Variants in ARMH1 observed in about 807,000 individuals in gnomAD.
The protein encoded by ARMH1 is armadillo-like helical domain containing protein 1.
ARMH1 carries 34 observed loss-of-function variants against 50.2 expected under a neutral mutation model. The observed-to-expected ratio is 0.68, with a 90% CI of 0.51 to 0.90. The LOEUF (loss-of-function observed/expected upper bound fraction) is 0.90, where lower values mean the gene tolerates loss of function less well. ARMH1 is among the 40% of genes least tolerant of loss of function. The pLI, the probability that ARMH1 is intolerant of heterozygous loss-of-function variation, is 0.00. For synonymous variants in ARMH1, 221 were observed against 224.2 expected (o/e 0.99, Z 0.13); for missense variants, 538 against 553.9 (o/e 0.97, Z 0.29).
intron 6 of ARMH1, among the ~76,000 whole-genome samples, chr1:44,709,448 G>A (rs112041806): frequency 0.059 from 8,924 of 152,164 alleles, 537 homozygotes; most frequent in African/African-American, 0.15. Flanking sequence ...CAAGGGGGGC[G>A]GATCACGAGG....
chr1:44,703,991 G>T (rs1406067767), intron 5 of ARMH1, 98 bp from the exon 6 acceptor site: 2 of 904,386 alleles, frequency 2.2e-6, no homozygotes, highest in Non-Finnish European at 3.5e-6. Flanking sequence ...CTCCTAAAGT[G>T]CTGGGATTAC....
intron 6 of ARMH1, among the ~76,000 whole-genome samples, chr1:44,705,588 A>G (rs1646307634): frequency 6.6e-6 from 1 of 152,190 alleles, no homozygotes. Context: ...TCCATGAATG[A>G]ATGGTAAAGA....
intron 6 of ARMH1, among the ~76,000 whole-genome samples, chr1:44,712,814 C>T (rs937354458): frequency 1.3e-5 from 2 of 151,414 alleles, no homozygotes; most frequent in African/African-American, 4.9e-5. Context: ...CAGGCATGTG[C>T]CACCACGCCC....
At chr1:44,680,288 C>T (rs182876630) in intron 1 of ARMH1, among the ~76,000 whole-genome samples, 4 of 152,214 alleles carry the variant, frequency 2.6e-5, no homozygotes, top group Non-Finnish European at 4.4e-5. Flanking sequence ...GTGATTCTCC[C>T]GCCTCAGCCT....
At position 44,700,343 on chromosome 1, in the gene ARMH1, C is replaced by T. The variant is rs933921377; in HGVS notation, c.443-580C>T. Among the ~76,000 whole-genome samples the T allele has an allele frequency of 3.3e-5, 5 of 152,226 alleles. No individual in the cohort carries two copies. In the South Asian group the frequency reaches 6.2e-4, roughly 19 times the overall value. On this transcript the variant is annotated intron_variant, in intron 4 of 11. Transcript: ENST00000535358. ...CTATACAAGTGTTATCATGGCCGGG[C>T]GCCGTGGCTCACGCCTCTAATCCCA...
chr1:44,706,277 G>C (rs1180109718), intron 6 of ARMH1, among the ~76,000 whole-genome samples: 1 of 152,200 alleles, frequency 6.6e-6, no homozygotes, highest in East Asian at 1.9e-4. Flanking sequence ...GGCCCAGCTG[G>C]GTACATAGCC....
chr1:44,676,665 G>C, intron 1 of ARMH1, among the ~76,000 whole-genome samples: 1 of 152,222 alleles, frequency 6.6e-6, no homozygotes, highest in Middle Eastern at 3.2e-3. Context: ...CAAGGAAGTT[G>C]TTGGTGACCT....
At chr1:44,676,203 G>C (rs1645136231) in intron 1 of ARMH1, among the ~76,000 whole-genome samples, 1 of 152,156 alleles carries the variant, frequency 6.6e-6, no homozygotes. Flanking sequence ...TCCTGGTTTG[G>C]GCAAACAGGA....
chr1:44,716,891 C>T (rs1466221733), intron 6 of ARMH1, among the ~76,000 whole-genome samples: 1 of 147,758 alleles, frequency 6.8e-6, no homozygotes, highest in Non-Finnish European at 1.5e-5. Context: ...CACTCTGTAA[C>T]CTAGGCTGGA....
Position 44,710,613 on chromosome 1 carries a change from A to G in ARMH1, c.724+6440A>G, listed in dbSNP as rs1263715106. Among the ~76,000 whole-genome samples, 74 of 150,852 alleles carry G rather than the reference A, an allele frequency of 4.9e-4. 1 individual carries two copies. The East Asian group carries it at 6.8e-3, about 14-fold the overall frequency. ...AACAGAGCAAGACTCCGTCTCAAAA[A>G]AAAAAAAAAAAAAAAAGAAAAGAAA... is the stretch of plus-strand genomic sequence containing the variant. On this transcript the variant is annotated intron_variant, in intron 6 of 11. Transcript: ENST00000535358.
intron 3 of ARMH1, 78 bp downstream of exon 3, chr1:44,697,248 C>T (rs578155801): frequency 1.8e-6 from 2 of 1,136,660 alleles, no homozygotes; most frequent in East Asian, 5.1e-5. Context: ...TCACACCACC[C>T]AGGGCCACGG....
chr1:44,676,074 T>C (rs112800167), intron 1 of ARMH1, among the ~76,000 whole-genome samples: 88 of 151,992 alleles, frequency 5.8e-4, no homozygotes, highest in Middle Eastern at 6.8e-3. Context: ...AAGCATGGAG[T>C]GGCAGCTGAA....
chr1:44,719,025 GAAA>G (rs35822364), intron 6 of ARMH1, among the ~76,000 whole-genome samples: 18 of 78,634 alleles, frequency 2.3e-4, no homozygotes, highest in African/African-American at 8.5e-4. Flanking sequence ...AACTGTCTCG[GAAA>G]AAAAAAAAAA....
chr1:44,694,065 ATTC>A (rs897576487), intron 2 of ARMH1, among the ~76,000 whole-genome samples: 3 of 152,168 alleles, frequency 2.0e-5, no homozygotes, highest in Admixed American at 6.5e-5. Context: ...GCATTACATC[ATTC>A]TTCTTCATTT....
In ARMH1 at chr1:44,700,927, ACGAT is replaced by A; in HGVS notation, c.449_452del (p.Arg150ProfsTer2). 6.5e-7 allele frequency: 1 copy of A among 1,548,828 alleles called. No individual in the cohort carries two copies. The highest frequency in any genetic ancestry group is 8.7e-7 in the Non-Finnish European group (1 of 1,145,868). On this transcript the variant is annotated frameshift_variant, in exon 5 of 12. Coordinates refer to ENST00000535358, the MANE Select transcript of ARMH1 (RefSeq NM_001145636.2). LOFTEE classifies it high-confidence loss of function. The stretch of plus-strand genomic sequence containing the variant: ...TTTCCTCTCTTCTTTGCTCAGGTGT[ACGAT>A]CCATAGCAGAATTTTTGGCAAAGTC...
intron 4 of ARMH1, 114 bp downstream of exon 4, chr1:44,698,343 T>C: frequency 1.1e-6 from 1 of 904,864 alleles, no homozygotes; most frequent in Non-Finnish European, 1.6e-6. Context: ...CAGGAAGCTT[T>C]TTGTGCTCCT....
intron 1 of ARMH1, among the ~76,000 whole-genome samples, chr1:44,689,425 C>T (rs536990614): frequency 5.3e-5 from 8 of 152,058 alleles, no homozygotes; most frequent in East Asian, 1.9e-4. Flanking sequence ...TCAGTAGGGA[C>T]GCCAAAGAGC....
rs1646230545 is a variant in ARMH1, at chr1:44,704,173, G to A, written c.724G>A (p.Ala242Thr). The A allele has an allele frequency of 1.3e-6, 2 of 1,550,934 alleles. No individual in the cohort carries two copies. The highest frequency in any genetic ancestry group is 1.4e-5 in the African/African-American group (1 of 73,126). ...GTMHLEVQYEAIELIKDLVGY... is the reference protein window; with the variant it reads ...GTMHLEVQYETIELIKDLVGY... ...GATGCACCTGGAAGTCCAGTATGAA[G>A]GTAGGGAGCCTCCAGATTGCAGAAG... Residue 242 changes from alanine to threonine, a missense_variant and splice_region_variant, in exon 6 of 12, where the codon GCC (alanine) becomes ACC (threonine). Coordinates refer to ENST00000535358, the MANE Select transcript of ARMH1 (RefSeq NM_001145636.2).
chr1:44,676,705 G>A (rs1421230158), intron 1 of ARMH1, among the ~76,000 whole-genome samples: 1 of 152,186 alleles, frequency 6.6e-6, no homozygotes, highest in Non-Finnish European at 1.5e-5. Flanking sequence ...GGAGTGATGG[G>A]AGCAGAGGTC....
Sources: allele counts gnomAD v4.1 joint callset (sites outside exome capture counted in the v4.1 genomes callset), GRCh38; gene constraint gnomAD v4.1.1; transcripts MANE v1.5; gene names NCBI Gene and HGNC (gene_info 2026-07-23, HGNC 2026-07-21).